The following TRAF3IP1 variants were observed in gnomAD, a reference collection of about 807,000 sequenced individuals.
The protein encoded by TRAF3IP1 is TRAF3-interacting protein 1.
A neutral mutation model predicts 89.9 loss-of-function variants in TRAF3IP1; 53 were observed. The observed-to-expected ratio is 0.59, with a 90% confidence interval of 0.47 to 0.74. The LOEUF (loss-of-function observed/expected upper bound fraction) is 0.74. Ranked by LOEUF, TRAF3IP1 falls within the 30% of genes least tolerant of loss-of-function variation. The pLI is 0.00. For synonymous variants in TRAF3IP1, 311 were observed against 322.1 expected (o/e 0.97, Z 0.37); for missense variants, 806 against 866.1 (o/e 0.93, Z 0.87).
chr2:238,367,094 G>A (rs1359254461), intron 15 of TRAF3IP1, among the ~76,000 whole-genome samples: 2 of 135,972 alleles, frequency 1.5e-5, no homozygotes, highest in Non-Finnish European at 3.0e-5. Context: ...AACCTGGGAG[G>A]CAGAAGTTGC....
At chr2:238,333,873 C>G in intron 6 of TRAF3IP1, 87 bp from the exon 7 acceptor site, 1 of 1,113,944 alleles carries the variant, frequency 9.0e-7, no homozygotes, top group Admixed American at 2.3e-5. Context: ...ACTTGTTCTT[C>G]CTCAAGAAGA....
chr2:238,386,201 C>T (rs142892383), intron 15 of TRAF3IP1, among the ~76,000 whole-genome samples: 297 of 152,218 alleles, frequency 2.0e-3, no homozygotes, highest in African/African-American at 6.5e-3. Context: ...TAGGTAAAGC[C>T]GGTCTTAGAG....
intron 15 of TRAF3IP1, among the ~76,000 whole-genome samples, chr2:238,378,801 C>A (rs191268040): frequency 2.0e-5 from 3 of 152,312 alleles, no homozygotes; most frequent in East Asian, 3.9e-4. Flanking sequence ...CGGGACCCCC[C>A]CCCAGGCCCC....
intron 15 of TRAF3IP1, among the ~76,000 whole-genome samples, chr2:238,385,851 T>A (rs1158407943): frequency 1.3e-5 from 2 of 152,244 alleles, no homozygotes; most frequent in Non-Finnish European, 2.9e-5. Flanking sequence ...GTTTTTTAAG[T>A]GCCTTTAGCT....
rs1437883164 is a variant in TRAF3IP1 at position 238,357,570 on chromosome 2, A to G, written c.1689+1490A>G. On this transcript the variant is annotated intron_variant, in intron 15 of 16. Transcript: ENST00000373327. Reference sequence around the variant, plus strand: ...TAGAGGGAGCCCTTTTAACAATAATAACTGGAGAATGTTGTCGGCGGAGGC... The same window carrying G: ...TAGAGGGAGCCCTTTTAACAATAATGACTGGAGAATGTTGTCGGCGGAGGC... Among the ~76,000 whole-genome samples the G allele has an allele frequency of 2.0e-5, 3 of 152,340 alleles. No homozygotes were observed. The South Asian group carries it at 6.2e-4, about 32-fold the overall frequency.
Position 238,320,714 on chromosome 2 carries a change from C to G in TRAF3IP1, c.52C>G (p.Arg18Gly), listed in dbSNP as rs1238300900. Residue 18 changes from arginine (R) to glycine (G), a missense_variant, in exon 1 of 17, where the codon CGG (arginine) becomes GGG (glycine). Coordinates refer to ENST00000373327, the MANE Select transcript of TRAF3IP1 (RefSeq NM_015650.4). Reference sequence around the variant, plus strand: ...GCAGGAGGCGCTGGGGAAAGTGATTCGGAGGCCGCCGCTGACCGAGAAGCT... The same window carrying G: ...GCAGGAGGCGCTGGGGAAAGTGATTGGGAGGCCGCCGCTGACCGAGAAGCT... ...RTQEALGKVI[R>G]RPPLTEKLLS... 3 of 1,446,776 alleles carry G rather than the reference C, an allele frequency of 2.1e-6. No individual in the cohort carries two copies. The highest frequency in any genetic ancestry group is 2.8e-6 in the Non-Finnish European group (3 of 1,088,534). The allele number at this position is 1,446,776 out of a possible 1,614,324, so 89.6% of individuals were successfully genotyped here. A position where few individuals can be genotyped will look rare whatever the true frequency, so the allele number is the denominator to read the frequency against.
chr2:238,390,240 G>A (rs760524424), intron 15 of TRAF3IP1, among the ~76,000 whole-genome samples: 2 of 152,166 alleles, frequency 1.3e-5, no homozygotes, highest in Non-Finnish European at 2.9e-5. Context: ...CCATGGTGAG[G>A]GTGCCACAAA....
At chr2:238,372,952 A>G (rs1700169159) in intron 15 of TRAF3IP1, among the ~76,000 whole-genome samples, 1 of 152,024 alleles carries the variant, frequency 6.6e-6, no homozygotes, top group African/African-American at 2.4e-5. Context: ...GTCTGTTCAT[A>G]TCCTTTGCCC....
intron 6 of TRAF3IP1, 87 bp from the exon 7 acceptor site, chr2:238,333,873 C>T (rs1698249533): frequency 1.8e-6 from 2 of 1,113,826 alleles, no homozygotes; most frequent in Admixed American, 2.3e-5. Context: ...ACTTGTTCTT[C>T]CTCAAGAAGA....
At chr2:238,323,558 C>T (rs539788665) in intron 1 of TRAF3IP1, among the ~76,000 whole-genome samples, 1 of 152,324 alleles carries the variant, frequency 6.6e-6, no homozygotes, top group African/African-American at 2.4e-5. Flanking sequence ...TTCATTAATA[C>T]CTAACTTGAT....
chr2:238,338,006 G>T (rs13398327), intron 7 of TRAF3IP1, among the ~76,000 whole-genome samples: 3 of 152,138 alleles, frequency 2.0e-5, no homozygotes, highest in East Asian at 1.9e-4. Flanking sequence ...TAGTCCAGGG[G>T]CGTGTGTAGG....
intron 15 of TRAF3IP1, among the ~76,000 whole-genome samples, chr2:238,395,158 G>A (rs1701154281): frequency 6.6e-6 from 1 of 152,202 alleles, no homozygotes; most frequent in African/African-American, 2.4e-5. Flanking sequence ...TTGAGCCCAG[G>A]AGTTTGAGAG....
chr2:238,328,937 C>A lies in TRAF3IP1; in HGVS notation c.510C>A (p.Asp170Glu). The A allele has an allele frequency of 6.4e-7, 1 of 1,554,710 alleles. No homozygotes were observed. The highest frequency in any genetic ancestry group is 8.7e-7 in the Non-Finnish European group (1 of 1,152,278). ...RVHKNTEDRG[D>E]AEIKERSTSR... ...TTTTTATTTCGTAGGATAGAGGAGA[C>A]GCTGAAATAAAAGAGAGAAGTACAA... is the stretch of plus-strand genomic sequence containing the variant. The change falls in exon 5 of 17, where the codon GAC becomes GAA. Residue 170 changes from aspartate (D) to glutamate (E), a missense_variant. Transcript: ENST00000373327.
chr2:238,382,334 C>A (rs1574966643), intron 15 of TRAF3IP1, among the ~76,000 whole-genome samples: 1 of 151,966 alleles, frequency 6.6e-6, no homozygotes, highest in Non-Finnish European at 1.5e-5. Flanking sequence ...CGTTGACTGT[C>A]AAGGATAAGA....
intron 1 of TRAF3IP1, among the ~76,000 whole-genome samples, chr2:238,321,813 G>A (rs1395329262): frequency 1.3e-5 from 2 of 152,180 alleles, no homozygotes; most frequent in African/African-American, 4.8e-5. Flanking sequence ...CAGACTTCCA[G>A]GGCCTCATGA....
chr2:238,368,919 C>A (rs753309334), intron 15 of TRAF3IP1, among the ~76,000 whole-genome samples: 1 of 152,116 alleles, frequency 6.6e-6, no homozygotes, highest in Non-Finnish European at 1.5e-5. Context: ...GCGATCCACC[C>A]GCCTCGGCCT....
At position 238,329,173 on chromosome 2, in the gene TRAF3IP1, CAGAG is replaced by C. The variant is rs1472268761; in HGVS notation, c.750_753del (p.Lys252ValfsTer10). The C allele has an allele frequency of 9.6e-6, 15 of 1,559,168 alleles. No individual in the cohort carries two copies. Among genetic ancestry groups the C allele is most frequent in the Non-Finnish European group, 1.2e-5 (14 of 1,155,000 alleles). Reference sequence around the variant, plus strand: ...AGAGACTCCGAGCGCAAGAAGGAGACAGAGAGAAAGAGTGAGGGGGGGAAAGAGA... The same window carrying C: ...AGAGACTCCGAGCGCAAGAAGGAGACAGAAAGAGTGAGGGGGGGAAAGAGA... On this transcript the variant is annotated frameshift_variant, in exon 5 of 17. Coordinates refer to ENST00000373327, the MANE Select transcript of TRAF3IP1 (RefSeq NM_015650.4). LOFTEE classifies it high-confidence loss of function.
At chr2:238,358,779 T>A (rs116754816) in intron 15 of TRAF3IP1, among the ~76,000 whole-genome samples, 2 of 152,350 alleles carry the variant, frequency 1.3e-5, no homozygotes, top group African/African-American at 4.8e-5. Context: ...ATTGAAGCCT[T>A]ATAGTCCATT....
In TRAF3IP1 at chr2:238,331,617, T is replaced by G. The variant is rs559397359; in HGVS notation, c.916-1207T>G. 8.5e-5 allele frequency among the ~76,000 whole-genome samples: 13 copies of G among 152,340 alleles called. No homozygotes were observed. In the South Asian group the frequency reaches 2.7e-3, roughly 32 times the overall value. On this transcript the variant is annotated intron_variant, in intron 5 of 16. Transcript: ENST00000373327. Reference sequence around the variant, plus strand: ...TTCCTACTCGAGGCTGTTGCTTACTTGGCTGCCGTGAGATTTGCGTGGATC... The same window carrying G: ...TTCCTACTCGAGGCTGTTGCTTACTGGGCTGCCGTGAGATTTGCGTGGATC...
Sources: gnomAD v4.1 joint callset for allele counts (sites outside exome capture counted in the v4.1 genomes callset) on GRCh38, gnomAD v4.1.1 for gene constraint, MANE v1.5 for transcripts, NCBI Gene and HGNC (gene_info 2026-07-23, HGNC 2026-07-21) for gene names.